The following ZFPM2 variants were observed in gnomAD, a reference collection of about 807,000 sequenced individuals.
ZFPM2 encodes zinc finger protein ZFPM2.
Under a neutral mutation model 98.6 loss-of-function variants are expected in ZFPM2, and 20 were observed. That is an observed-to-expected ratio of 0.20 (90% CI 0.14 to 0.29). The LOEUF is 0.29. Among genes scored for constraint, ZFPM2 ranks in the 10% least tolerant of loss-of-function variants. The probability of loss-of-function intolerance (pLI) is 1.00; values close to 1 mark genes in which losing one functional copy is unlikely to be tolerated. For synonymous variants in ZFPM2, 518 were observed against 502.7 expected, an observed-to-expected ratio of 1.03 and a Z score of -0.41; for missense variants, 1,310 against 1,388.6, an observed-to-expected ratio of 0.94 and a Z score of 0.90.
chr8:105,607,737 C>T (rs1318258203), intron 4 of ZFPM2, among the ~76,000 whole-genome samples: 1 of 152,076 alleles, frequency 6.6e-6, no homozygotes, highest in Non-Finnish European at 1.5e-5. Flanking sequence ...CCTGTGTGTT[C>T]CTGAATTTGT....
chr8:105,396,265 T>C (rs16872850), intron 1 of ZFPM2, among the ~76,000 whole-genome samples: 6,155 of 152,260 alleles, frequency 0.04, 172 homozygotes, highest in Non-Finnish European at 0.063. Context: ...TATGCAAACA[T>C]TGACTATAGG....
At chr8:105,778,894 C>CT (rs58159246) in intron 5 of ZFPM2, among the ~76,000 whole-genome samples, 13,544 of 132,278 alleles carry the variant, frequency 0.1, 928 homozygotes, top group East Asian at 0.27. Context: ...AAACTGTCAT[C>CT]TTTTTTTTTT....
intron 1 of ZFPM2, among the ~76,000 whole-genome samples, chr8:105,397,730 A>G: frequency 6.6e-6 from 1 of 152,178 alleles, no homozygotes. Context: ...TGTGCCATAT[A>G]CAAGACTTAT....
At chr8:105,547,039 G>A (rs1306903868) in intron 3 of ZFPM2, among the ~76,000 whole-genome samples, 2 of 152,074 alleles carry the variant, frequency 1.3e-5, no homozygotes, top group African/African-American at 2.4e-5. Context: ...CATGTATCTG[G>A]TGGAGGACAA....
chr8:105,477,348 G>A (rs1440109801), intron 3 of ZFPM2, among the ~76,000 whole-genome samples: 1 of 146,704 alleles, frequency 6.8e-6, no homozygotes, highest in Admixed American at 7.0e-5. Context: ...GGGTTCAAGA[G>A]ATTCTCCTGC....
intron 1 of ZFPM2, among the ~76,000 whole-genome samples, chr8:105,377,507 A>C (rs554383908): frequency 6.6e-6 from 1 of 151,336 alleles, no homozygotes; most frequent in South Asian, 2.1e-4. Context: ...CATGCCTGTA[A>C]TCCCAGCACT....
At chr8:105,397,360 T>C (rs1391564996) in intron 1 of ZFPM2, among the ~76,000 whole-genome samples, 5 of 152,166 alleles carry the variant, frequency 3.3e-5, no homozygotes, top group Admixed American at 6.5e-5. Context: ...ACCTAATAAA[T>C]ATTCTTGGAA....
chr8:105,489,469 T>TATAGATATATG (rs1563682487), intron 3 of ZFPM2, among the ~76,000 whole-genome samples: 107 of 137,822 alleles, frequency 7.8e-4, no homozygotes, highest in African/African-American at 2.9e-3. Context: ...TATATATATT[T>TATAGATATATG]TTTTTTTTTT....
intron 5 of ZFPM2, among the ~76,000 whole-genome samples, chr8:105,725,388 G>T (rs753535): frequency 6.6e-6 from 1 of 151,570 alleles, no homozygotes; most frequent in Non-Finnish European, 1.5e-5. Flanking sequence ...TTAGAATAAC[G>T]TATTTTTTCT....
chr8:105,782,299 AT>A (rs1358579830), intron 5 of ZFPM2: 1 of 152,220 alleles, frequency 6.6e-6, no homozygotes, highest in Non-Finnish European at 1.5e-5. Flanking sequence ...TAAGGCTGTC[AT>A]TTGAAGTGAT....
intron 1 of ZFPM2, among the ~76,000 whole-genome samples, chr8:105,383,861 A>T (rs967563): frequency 0.47 from 71,831 of 152,008 alleles, 18,116 homozygotes; most frequent in Admixed American, 0.56. Flanking sequence ...CACTATATTA[A>T]CTCATTTTAA....
chr8:105,365,335 A>G (rs1810486471), intron 1 of ZFPM2, among the ~76,000 whole-genome samples: 1 of 152,180 alleles, frequency 6.6e-6, no homozygotes. Flanking sequence ...AGATTTGAGG[A>G]CTTAATTGCT....
chr8:105,704,081 C>T (rs1811203375), intron 5 of ZFPM2, among the ~76,000 whole-genome samples: 2 of 146,756 alleles, frequency 1.4e-5, no homozygotes. Flanking sequence ...ACAAGAGGAC[C>T]TTCACCCTGA....
rs186943511 is a variant in ZFPM2 at position 105,779,328 on chromosome 8, C to T, written c.533-9390C>T. ...TTAGGTCCATATCTTGATGAGCCCCCGTAGCTGTGCTAGAGGTTTACAGCT... is the reference window on the plus strand; with the variant it reads ...TTAGGTCCATATCTTGATGAGCCCCTGTAGCTGTGCTAGAGGTTTACAGCT... On this transcript the variant is annotated intron_variant, in intron 5 of 7. Transcript: ENST00000407775. Among the ~76,000 whole-genome samples the T allele has an allele frequency of 2.0e-4, 31 of 152,258 alleles. No homozygotes were observed. The South Asian group carries it at 4.1e-3, about 20-fold the overall frequency.
intron 4 of ZFPM2, among the ~76,000 whole-genome samples, chr8:105,568,082 C>T (rs1211258033): frequency 6.6e-6 from 1 of 152,066 alleles, no homozygotes; most frequent in South Asian, 2.1e-4. Context: ...CTTCTCTTCT[C>T]CCTCTGTTCC....
intron 5 of ZFPM2, among the ~76,000 whole-genome samples, chr8:105,740,542 T>TTATA (rs1337369243): frequency 3.4e-5 from 5 of 145,346 alleles, no homozygotes; most frequent in South Asian, 2.1e-4. Context: ...TATATATATA[T>TTATA]TATATATATA....
At chr8:105,495,877 T>C (rs1813456222) in intron 3 of ZFPM2, among the ~76,000 whole-genome samples, 1 of 152,254 alleles carries the variant, frequency 6.6e-6, no homozygotes, top group African/African-American at 2.4e-5. Context: ...CACACCACTA[T>C]TTTTGTTTAA....
At chr8:105,609,917 G>A (rs1484950461) in intron 4 of ZFPM2, among the ~76,000 whole-genome samples, 1 of 152,106 alleles carries the variant, frequency 6.6e-6, no homozygotes, top group East Asian at 1.9e-4. Flanking sequence ...GGGAAATCAT[G>A]TGCCCTCTGT....
At chr8:105,469,364 T>G (rs1812854126) in intron 3 of ZFPM2, among the ~76,000 whole-genome samples, 1 of 152,208 alleles carries the variant, frequency 6.6e-6, no homozygotes, top group Non-Finnish European at 1.5e-5. Context: ...TTACTCTCTC[T>G]TATTTTTCCC....
Sources: gnomAD v4.1 joint callset for allele counts (sites outside exome capture counted in the v4.1 genomes callset) on GRCh38, gnomAD v4.1.1 for gene constraint, MANE v1.5 for transcripts, NCBI Gene and HGNC (gene_info 2026-07-23, HGNC 2026-07-21) for gene names.